Variants in ADAM10 observed in about 807,000 individuals in gnomAD.
ADAM10 encodes disintegrin and metalloproteinase domain-containing protein 10.
A neutral mutation model predicts 90.1 loss-of-function variants in ADAM10; 17 were observed. The ratio of observed to expected loss-of-function variants is 0.19; its 90% CI spans 0.13 to 0.28. The LOEUF (loss-of-function observed/expected upper bound fraction) is 0.28, where lower values mean the gene tolerates loss of function less well. Ranked by LOEUF, ADAM10 falls within the 10% of genes least tolerant of loss-of-function variation. The probability of loss-of-function intolerance (pLI) is 1.00; values close to 1 mark genes in which losing one functional copy is unlikely to be tolerated. For missense variants in ADAM10, 610 were observed against 914.3 expected (o/e 0.67, Z 4.29); for synonymous variants, 310 against 298.6 (o/e 1.04, Z -0.40).
intron 1 of ADAM10, among the ~76,000 whole-genome samples, chr15:58,745,278 T>C (rs1315075670): frequency 1.3e-5 from 2 of 152,240 alleles, no homozygotes; most frequent in African/African-American, 4.8e-5. Context: ...ATGTAGCTAA[T>C]TGCTGAAGTT....
chr15:58,667,369 T>C (rs1373965228), intron 4 of ADAM10, among the ~76,000 whole-genome samples: 1 of 152,182 alleles, frequency 6.6e-6, no homozygotes. Context: ...TCAGATTCTC[T>C]GTCAACAGAA....
chr15:58,669,322 A>T (rs547763094), intron 4 of ADAM10, among the ~76,000 whole-genome samples: 2 of 152,128 alleles, frequency 1.3e-5, no homozygotes, highest in Non-Finnish European at 2.9e-5. Flanking sequence ...GTTTCCTTCC[A>T]TGCCTCTCAA....
At chr15:58,652,092 G>T (rs541536156) in intron 5 of ADAM10, among the ~76,000 whole-genome samples, 2 of 152,110 alleles carry the variant, frequency 1.3e-5, no homozygotes, top group East Asian at 3.9e-4. Flanking sequence ...TTTTTAATCA[G>T]ATTAGATTTT....
chr15:58,636,582 T>C (rs894726698), intron 8 of ADAM10, among the ~76,000 whole-genome samples: 2 of 152,008 alleles, frequency 1.3e-5, no homozygotes, highest in Non-Finnish European at 2.9e-5. Context: ...GTGAAACGTT[T>C]TCAATTCGGG....
At chr15:58,746,495 G>A (rs954069873) in intron 1 of ADAM10, among the ~76,000 whole-genome samples, 4 of 152,134 alleles carry the variant, frequency 2.6e-5, no homozygotes, top group Admixed American at 6.5e-5. Context: ...GGACTGTGCC[G>A]GAAATGGGCA....
Position 58,749,696 on chromosome 15 carries a change from G to C in ADAM10, c.-162C>G. On this transcript the variant is annotated 5_prime_UTR_variant, in exon 1 of 16. Coordinates refer to ENST00000260408, the MANE Select transcript of ADAM10 (RefSeq NM_001110.4). ...AGCACCTCCCTCTCGCTCCACTTCAGGGGCCGGCAACGCTCCTAGCTCCTC... is the reference window on the plus strand; with the variant it reads ...AGCACCTCCCTCTCGCTCCACTTCACGGGCCGGCAACGCTCCTAGCTCCTC... 9 of 1,431,994 alleles carry C rather than the reference G, an allele frequency of 6.3e-6. No individual in the cohort carries two copies. Among genetic ancestry groups the C allele is most frequent in the Non-Finnish European group, 8.3e-6 (9 of 1,081,432 alleles). 88.7% of individuals were successfully genotyped at this position (1,431,994 alleles called of 1,614,324 possible). A position where few individuals can be genotyped will look rare whatever the true frequency, so the allele number is the denominator to read the frequency against.
intron 5 of ADAM10, among the ~76,000 whole-genome samples, chr15:58,659,348 T>G (rs762901863): frequency 1.3e-5 from 2 of 152,144 alleles, no homozygotes; most frequent in Non-Finnish European, 2.9e-5. Context: ...AAGCATGGTA[T>G]CAGCTGTAGG....
At chr15:58,704,377 G>T (rs767828299) in intron 2 of ADAM10, among the ~76,000 whole-genome samples, 2 of 152,024 alleles carry the variant, frequency 1.3e-5, no homozygotes, top group Non-Finnish European at 2.9e-5. Flanking sequence ...ATATGGTGAC[G>T]GTTGCACAAC....
chr15:58,675,187 T>C (rs1283604570), intron 4 of ADAM10, among the ~76,000 whole-genome samples: 2 of 152,088 alleles, frequency 1.3e-5, no homozygotes, highest in Non-Finnish European at 2.9e-5. Flanking sequence ...GACGGAGGTA[T>C]AGGCAAATTC....
Position 58,685,580 on chromosome 15 carries a change from A to G in ADAM10, c.207-3266T>C, listed in dbSNP as rs1301744903. Among the ~76,000 whole-genome samples the G allele has an allele frequency of 7.4e-5, 10 of 134,488 alleles. No homozygotes were observed. In the South Asian group the frequency reaches 1.4e-3, roughly 19 times the overall value. The allele number at this position is 134,488 out of a possible 152,430, so 88.2% of individuals were successfully genotyped here. A position where few individuals can be genotyped will look rare whatever the true frequency, so the allele number is the denominator to read the frequency against. ...TATATATATATATATATATATATAT[A>G]TATGTATATATACATATCTCCACAT... On this transcript the variant is annotated intron_variant, in intron 2 of 15. Coordinates refer to ENST00000260408, the MANE Select transcript of ADAM10 (RefSeq NM_001110.4).
intron 8 of ADAM10, among the ~76,000 whole-genome samples, chr15:58,634,270 C>G (rs1896187528): frequency 6.6e-6 from 1 of 150,764 alleles, no homozygotes; most frequent in Non-Finnish European, 1.5e-5. Flanking sequence ...CCACTGCACT[C>G]CAGCCTGGGC....
Position 58,610,115 on chromosome 15 carries a change from A to C in ADAM10, c.2025+182T>G, listed in dbSNP as rs1254779063. ...ACTAAGCAATCTATGAATGATACACATGATTCTGATCACTTCAGAAGGAAA... is the reference window on the plus strand; with the variant it reads ...ACTAAGCAATCTATGAATGATACACCTGATTCTGATCACTTCAGAAGGAAA... On this transcript the variant is annotated intron_variant, in intron 14 of 15. Transcript: ENST00000260408. 9 of 665,168 alleles carry C rather than the reference A, an allele frequency of 1.4e-5. No homozygotes were observed. In the Admixed American group the frequency reaches 2.1e-4, roughly 15 times the overall value. 41.2% of individuals were successfully genotyped at this position (665,168 alleles called of 1,614,324 possible). A position where few individuals can be genotyped will look rare whatever the true frequency, so the allele number is the denominator to read the frequency against.
At chr15:58,657,379 T>C (rs978631395) in intron 5 of ADAM10, among the ~76,000 whole-genome samples, 2 of 152,198 alleles carry the variant, frequency 1.3e-5, no homozygotes, top group Admixed American at 1.3e-4. Flanking sequence ...TTCATTCTTT[T>C]AGAGTATTCC....
At chr15:58,731,328 T>C (rs936655591) in intron 1 of ADAM10, among the ~76,000 whole-genome samples, 2 of 152,064 alleles carry the variant, frequency 1.3e-5, no homozygotes, top group Non-Finnish European at 1.5e-5. Flanking sequence ...GTTTAAAGTA[T>C]ATGGGAGGGG....
rs544789445 is a variant in ADAM10 at position 58,592,118 on chromosome 15, G to A, written c.*5429C>T. On this transcript the variant is annotated 3_prime_UTR_variant, in exon 16 of 16. Coordinates refer to ENST00000260408, the MANE Select transcript of ADAM10 (RefSeq NM_001110.4). ...AATGAAGGGGTAGTTAGATCAGGAG[G>A]CTTCATCATGATGAGATGTGACTTT... 3.3e-5 allele frequency: 5 copies of A among 152,270 alleles called. No homozygotes were observed. Among genetic ancestry groups the A allele is most frequent in the African/African-American group, 9.6e-5 (4 of 41,540 alleles). The allele number at this position is 152,270 out of a possible 1,614,324, so 9.4% of individuals were successfully genotyped here.
intron 2 of ADAM10, among the ~76,000 whole-genome samples, chr15:58,685,138 T>C (rs1465166202): frequency 4.4e-5 from 6 of 136,474 alleles, no homozygotes; most frequent in Non-Finnish European, 7.8e-5. Flanking sequence ...AATCAAATCA[T>C]AGACCTCTAA....
In ADAM10 at chr15:58,610,431, G is replaced by A; in HGVS notation, c.1891C>T (p.Pro631Ser). The A allele has an allele frequency of 6.2e-7, 1 of 1,614,134 alleles. No homozygotes were observed. The highest frequency in any genetic ancestry group is 8.5e-7 in the Non-Finnish European group (1 of 1,180,030). ...CAGTAACCTCTAAAATCGTTGCAAGGGGATCCAGGTTGCAGGGTGATGGTT... is the reference window on the plus strand; with the variant it reads ...CAGTAACCTCTAAAATCGTTGCAAGAGGATCCAGGTTGCAGGGTGATGGTT... ...GRTITLQPGS[P>S]CNDFRGYCDV... Residue 631 changes from proline (P) to serine (S), a missense_variant, in exon 14 of 16, where the codon CCT becomes TCT. Physicochemically the swap from Pro to Ser is moderately conservative, Grantham distance 74 (BLOSUM62 -1). Around this residue, in one of 4 missense-constraint regions of ADAM10, gnomAD observed 150 missense variants for 268.5 expected, o/e 0.56. Coordinates refer to ENST00000260408, the MANE Select transcript of ADAM10 (RefSeq NM_001110.4).
chr15:58,737,075 T>C (rs1279804911), intron 1 of ADAM10, among the ~76,000 whole-genome samples: 1 of 152,144 alleles, frequency 6.6e-6, no homozygotes, highest in Non-Finnish European at 1.5e-5. Flanking sequence ...CAGGAGAGCT[T>C]AGGAGAGCTC....
intron 1 of ADAM10, 105 bp from the exon 2 acceptor site, chr15:58,717,832 C>T (rs891382952): frequency 2.7e-6 from 4 of 1,463,052 alleles, no homozygotes; most frequent in East Asian, 4.9e-5. Context: ...ACAACTTCTC[C>T]CTAATCCCAG....
Sources: allele counts gnomAD v4.1 joint callset (sites outside exome capture counted in the v4.1 genomes callset), GRCh38; gene constraint gnomAD v4.1.1; regional missense constraint gnomAD v4.1.1; transcripts MANE v1.5; gene names NCBI Gene and HGNC (gene_info 2026-07-23, HGNC 2026-07-21).